FGFR2: variants seen among roughly 807,000 people sequenced by gnomAD.
FGFR2 encodes fibroblast growth factor receptor 2, also known as BEK fibroblast growth factor receptor.
A neutral mutation model predicts 95.9 loss-of-function variants in FGFR2; 19 were observed. That is an observed-to-expected ratio of 0.20 (90% CI 0.14 to 0.29). The LOEUF is 0.29. FGFR2 is among the 10% of genes least tolerant of loss of function. The pLI is 1.00. For missense variants in FGFR2, 707 were observed against 1,056.9 expected, an observed-to-expected ratio of 0.67 and a Z score of 4.59; for synonymous variants, 392 against 393.3, an observed-to-expected ratio of 1.00 and a Z score of 0.04.
intron 4 of FGFR2, among the ~76,000 whole-genome samples, chr10:121,561,179 C>T (rs1856904604): frequency 6.6e-6 from 1 of 152,132 alleles, no homozygotes; most frequent in Admixed American, 6.6e-5. Context: ...AATCCCAGCA[C>T]TTTGGGAGGC....
intron 17 of FGFR2, among the ~76,000 whole-genome samples, chr10:121,480,727 G>A (rs369888597): frequency 1.3e-5 from 2 of 151,964 alleles, no homozygotes; most frequent in South Asian, 2.1e-4. Flanking sequence ...GGAAAATATC[G>A]GTTAAGTTTC....
chr10:121,524,146 A>ACACACCCC (rs142755962), intron 6 of FGFR2, among the ~76,000 whole-genome samples: 112 of 136,938 alleles, frequency 8.2e-4, no homozygotes, highest in Admixed American at 3.4e-3. Flanking sequence ...ACACACACAC[A>ACACACCCC]CCCCAAGTTT....
chr10:121,595,499 G>A (rs1040463079), intron 1 of FGFR2, among the ~76,000 whole-genome samples: 7 of 152,118 alleles, frequency 4.6e-5, no homozygotes, highest in Admixed American at 3.9e-4. Context: ...TGTGTACATG[G>A]TGTGTGCGTG....
rs2134012808 is a variant in FGFR2 at position 121,500,937 on chromosome 10, C to T, written c.1450G>A (p.Gly484Ser). The change falls in exon 11 of 18, where the codon GGC becomes AGC. Residue 484 changes from glycine (G) to serine (S), a missense_variant. Transcript: ENST00000358487. ...WEFPRDKLTL[G>S]KPLGEGCFGQ... ...AAGCAACCTTCTCCCAGGGGCTTGC[C>T]CAGTGTCAGCCTAAATGTGTAAATA... The T allele has an allele frequency of 6.2e-7, 1 of 1,614,104 alleles. No homozygotes were observed. The highest frequency in any genetic ancestry group is 8.5e-7 in the Non-Finnish European group (1 of 1,180,034).
intron 4 of FGFR2, among the ~76,000 whole-genome samples, chr10:121,555,562 T>C (rs1429456588): frequency 6.6e-6 from 1 of 152,154 alleles, no homozygotes; most frequent in African/African-American, 2.4e-5. Context: ...AGGAAACAAA[T>C]TAACCTCGAT....
At chr10:121,497,130 CAA>C (rs35537265) in intron 12 of FGFR2, among the ~76,000 whole-genome samples, 1,431 of 91,480 alleles carry the variant, frequency 0.016, 3 homozygotes, top group Middle Eastern at 0.032. Context: ...GACTTTGTCT[CAA>C]AAAAAAAAAA....
At chr10:121,564,070 T>C (rs1857329645) in intron 4 of FGFR2, among the ~76,000 whole-genome samples, 1 of 152,204 alleles carries the variant, frequency 6.6e-6, no homozygotes, top group South Asian at 2.1e-4. Flanking sequence ...CCCTCTGTTG[T>C]GACAACCAAA....
intron 9 of FGFR2, among the ~76,000 whole-genome samples, chr10:121,508,010 C>T (rs1313350625): frequency 1.3e-5 from 2 of 152,088 alleles, no homozygotes; most frequent in African/African-American, 2.4e-5. Context: ...ATTTACAACG[C>T]GTTAGTTATT....
rs757846343 is a variant in FGFR2 at position 121,515,319 on chromosome 10, G to C, written c.1085C>G (p.Ala362Gly). The change falls in exon 9 of 18, where the codon GCG (alanine) becomes GGG (glycine). Residue 362 changes from alanine (A) to glycine (G), a missense_variant and splice_region_variant. Coordinates refer to ENST00000358487, the MANE Select transcript of FGFR2 (RefSeq NM_000141.5). ...FHSAWLTVLP[A>G]PGREKEITAS... ...TGTAATCTCCTTTTCTCTTCCAGGCGCTAGATTGCAGATCACAGGAGGAGG... is the reference window on the plus strand; with the variant it reads ...TGTAATCTCCTTTTCTCTTCCAGGCCCTAGATTGCAGATCACAGGAGGAGG... The C allele has an allele frequency of 6.2e-7, 1 of 1,613,958 alleles. No individual in the cohort carries two copies. Among genetic ancestry groups the C allele is most frequent in the Non-Finnish European group, 8.5e-7 (1 of 1,179,916 alleles).
At chr10:121,521,895 A>G (rs1850601741) in intron 6 of FGFR2, among the ~76,000 whole-genome samples, 3 of 152,252 alleles carry the variant, frequency 2.0e-5, no homozygotes, top group African/African-American at 7.2e-5. Context: ...AATGGAATCA[A>G]TCTAAGTGTC....
intron 6 of FGFR2, chr10:121,526,270 T>C: frequency 2.5e-6 from 1 of 398,598 alleles, no homozygotes; most frequent in East Asian, 3.6e-5. Flanking sequence ...AAAGCCTGCC[T>C]AGCTTTTTTC....
intron 2 of FGFR2, among the ~76,000 whole-genome samples, chr10:121,567,486 C>A (rs1198370588): frequency 6.6e-6 from 1 of 152,242 alleles, no homozygotes; most frequent in East Asian, 1.9e-4. Context: ...GTCTACTATA[C>A]AACAAGCCTA....
intron 9 of FGFR2, among the ~76,000 whole-genome samples, chr10:121,514,863 G>C (rs1849487642): frequency 6.6e-6 from 1 of 152,172 alleles, no homozygotes; most frequent in African/African-American, 2.4e-5. Flanking sequence ...TTCCAGTCCT[G>C]CTGATTAGTT....
chr10:121,510,603 T>C lies in FGFR2; in HGVS notation c.1287+4514A>G, dbSNP rs112606365. 8.5e-3 allele frequency among the ~76,000 whole-genome samples: 1,288 copies of C among 152,142 alleles called. 19 individuals carry two copies. Among genetic ancestry groups the C allele is most frequent in the African/African-American group, 0.026 (1,099 of 41,498 alleles). Reference sequence around the variant, plus strand: ...CCATCCCCCTTCCCGGAATTTGGCATATGTTTGAGGATCACTAACACTGGA... The same window carrying C: ...CCATCCCCCTTCCCGGAATTTGGCACATGTTTGAGGATCACTAACACTGGA... On this transcript the variant is annotated intron_variant, in intron 9 of 17. Transcript: ENST00000358487.
rs1423988406 is a variant in FGFR2 at position 121,507,048 on chromosome 10, C to G, written c.1288-3107G>C. Reference sequence around the variant, plus strand: ...TTCGGCCCTTCCTTCTGCTACCAGGCTAGGTTTTGTGGCATCTCTGCATCC... The same window carrying G: ...TTCGGCCCTTCCTTCTGCTACCAGGGTAGGTTTTGTGGCATCTCTGCATCC... On this transcript the variant is annotated intron_variant, in intron 9 of 17. Coordinates refer to ENST00000358487, the MANE Select transcript of FGFR2 (RefSeq NM_000141.5). Among the ~76,000 whole-genome samples the G allele has an allele frequency of 2.6e-5, 4 of 152,218 alleles. No individual in the cohort carries two copies. The East Asian group carries it at 7.7e-4, about 29-fold the overall frequency.
intron 5 of FGFR2, among the ~76,000 whole-genome samples, chr10:121,545,177 G>A (rs906932873): frequency 6.6e-6 from 1 of 152,152 alleles, no homozygotes; most frequent in African/African-American, 2.4e-5. Flanking sequence ...CAGAGGTCTT[G>A]GAAGTTGAAA....
intron 2 of FGFR2, among the ~76,000 whole-genome samples, chr10:121,567,474 A>T (rs981766790): frequency 2.0e-5 from 3 of 152,268 alleles, no homozygotes; most frequent in Non-Finnish European, 4.4e-5. Context: ...TATTTACTGC[A>T]TGTCTACTAT....
At chr10:121,561,384 A>G (rs1159700815) in intron 4 of FGFR2, among the ~76,000 whole-genome samples, 1 of 147,916 alleles carries the variant, frequency 6.8e-6, no homozygotes, top group Non-Finnish European at 1.5e-5. Context: ...AGATCGCACC[A>G]TTGCGCTCCA....
chr10:121,524,612 A>G (rs140794722), intron 6 of FGFR2, among the ~76,000 whole-genome samples: 2,788 of 152,278 alleles, frequency 0.018, 40 homozygotes, highest in South Asian at 0.035. Context: ...CACCCCTCGG[A>G]ATCCCTAAGA....
Sources: gnomAD v4.1 joint callset for allele counts (sites outside exome capture counted in the v4.1 genomes callset) on GRCh38, gnomAD v4.1.1 for gene constraint, MANE v1.5 for transcripts, NCBI Gene and HGNC (gene_info 2026-07-23, HGNC 2026-07-21) for gene names.